Variants in CCDC93 observed in about 807,000 individuals in gnomAD.
The protein encoded by CCDC93 is coiled-coil domain-containing protein 93.
A neutral mutation model predicts 108.2 loss-of-function variants in CCDC93; 61 were observed. That is an observed-to-expected ratio of 0.56 (90% confidence interval 0.46 to 0.70). The LOEUF (loss-of-function observed/expected upper bound fraction) is 0.70, where lower values mean the gene tolerates loss of function less well. Ranked by LOEUF, CCDC93 falls within the 30% of genes least tolerant of loss-of-function variation. The pLI is 0.00. For missense variants in CCDC93, 685 were observed against 764.2 expected, an observed-to-expected ratio of 0.90 and a Z score of 1.22; for synonymous variants, 276 against 260.4, an observed-to-expected ratio of 1.06 and a Z score of -0.58.
At chr2:118,002,940 A>C (rs926660492) in intron 3 of CCDC93, among the ~76,000 whole-genome samples, 1 of 152,238 alleles carries the variant, frequency 6.6e-6, no homozygotes, top group African/African-American at 2.4e-5. Flanking sequence ...CAAAAGACTA[A>C]GGCAGGAAGA....
intron 3 of CCDC93, among the ~76,000 whole-genome samples, chr2:118,002,739 C>T (rs1676742981): frequency 6.6e-6 from 1 of 152,118 alleles, no homozygotes; most frequent in African/African-American, 2.4e-5. Flanking sequence ...AGTGATTTAT[C>T]CACAAGTCCT....
chr2:117,927,279 G>T (rs1250091159), intron 23 of CCDC93, among the ~76,000 whole-genome samples: 1 of 152,070 alleles, frequency 6.6e-6, no homozygotes, highest in Non-Finnish European at 1.5e-5. Flanking sequence ...GGGCAATCAA[G>T]CAGGAGAAGG....
chr2:118,001,097 C>A, intron 3 of CCDC93, 165 bp from the exon 4 acceptor site: 1 of 568,740 alleles, frequency 1.8e-6, no homozygotes, highest in Non-Finnish European at 3.1e-6. Flanking sequence ...GAAAAATAAG[C>A]ACAATTTGGT....
chr2:117,936,972 T>C (rs935096030), intron 20 of CCDC93: 1 of 529,646 alleles, frequency 1.9e-6, no homozygotes, highest in African/African-American at 1.9e-5. Flanking sequence ...CTACAGGGCA[T>C]TCCCACAGGA....
intron 4 of CCDC93, chr2:117,997,604 G>C (rs1680695127): frequency 6.6e-6 from 1 of 152,226 alleles, no homozygotes; most frequent in African/African-American, 2.4e-5. Context: ...GCTCAGAATA[G>C]AGCAAATAAC....
chr2:117,963,997 T>C (rs905404652), intron 11 of CCDC93, among the ~76,000 whole-genome samples: 3 of 152,216 alleles, frequency 2.0e-5, no homozygotes, highest in Non-Finnish European at 4.4e-5. Context: ...TCCTTGCAGT[T>C]AGGTATTGTA....
intron 7 of CCDC93, among the ~76,000 whole-genome samples, chr2:117,980,285 G>A (rs1680077197): frequency 6.6e-6 from 1 of 152,150 alleles, no homozygotes; most frequent in Non-Finnish European, 1.5e-5. Context: ...TTCAACCAGG[G>A]AACCCTGAAC....
chr2:117,934,394 G>A (rs1171096990), intron 22 of CCDC93: 3 of 152,186 alleles, frequency 2.0e-5, no homozygotes, highest in Non-Finnish European at 4.4e-5. Context: ...CTGCAAGACA[G>A]CCTATCCTGG....
Position 117,966,151 on chromosome 2 carries a change from A to G in CCDC93, c.889-7670T>C, listed in dbSNP as rs148541517. 3.6e-3 allele frequency among the ~76,000 whole-genome samples: 554 copies of G among 152,336 alleles called. 1 individual carries two copies. The highest frequency in any genetic ancestry group is 0.01 in the Middle Eastern group (3 of 294). Reference sequence around the variant, plus strand: ...GGGTGCTAGCCACCATGTGTGCCCCATATCTGTTGGTAGAAAAGTAATCCC... The same window carrying G: ...GGGTGCTAGCCACCATGTGTGCCCCGTATCTGTTGGTAGAAAAGTAATCCC... On this transcript the variant is annotated intron_variant, in intron 11 of 23. Transcript: ENST00000376300.
chr2:117,950,398 G>T (rs1679014968), intron 13 of CCDC93: 1 of 985,300 alleles, frequency 1.0e-6, no homozygotes, highest in Non-Finnish European at 1.2e-6. Flanking sequence ...AATTAGAGTT[G>T]TGACTGCTGA....
At chr2:117,961,670 ATCT>A (rs1241686396) in intron 11 of CCDC93, among the ~76,000 whole-genome samples, 3 of 152,208 alleles carry the variant, frequency 2.0e-5, no homozygotes, top group Non-Finnish European at 4.4e-5. Flanking sequence ...AGCAGGTCTC[ATCT>A]AATGGTTCAT....
chr2:117,995,610 G>T, intron 5 of CCDC93, 108 bp from the exon 6 acceptor site: 3 of 852,798 alleles, frequency 3.5e-6, no homozygotes, highest in East Asian at 2.5e-5. Flanking sequence ...TCACTACTTT[G>T]CCTGACGAAG....
At chr2:118,010,590 CT>C (rs1214891377) in intron 1 of CCDC93, among the ~76,000 whole-genome samples, 2 of 152,140 alleles carry the variant, frequency 1.3e-5, no homozygotes, top group African/African-American at 4.8e-5. Context: ...GCTTCTTCAT[CT>C]TTCTTCCTTT....
chr2:117,951,035 C>A (rs577881912), intron 13 of CCDC93: 5 of 980,590 alleles, frequency 5.1e-6, no homozygotes, highest in Admixed American at 6.2e-5. Flanking sequence ...AAGGGCTCAA[C>A]AAATACTTGA....
At chr2:117,967,550 G>A (rs753072999) in intron 11 of CCDC93, among the ~76,000 whole-genome samples, 3 of 152,208 alleles carry the variant, frequency 2.0e-5, no homozygotes, top group Non-Finnish European at 4.4e-5. Context: ...CACAGCCACA[G>A]CCAAGCCTGG....
chr2:117,946,559 G>A (rs1678878971), intron 16 of CCDC93, among the ~76,000 whole-genome samples: 2 of 152,214 alleles, frequency 1.3e-5, no homozygotes, highest in South Asian at 2.1e-4. Flanking sequence ...CCTAAACAGA[G>A]GGAGGCCAGA....
chr2:117,996,546 G>C, intron 4 of CCDC93, 184 bp from the exon 5 acceptor site: 5 of 532,922 alleles, frequency 9.4e-6, no homozygotes, highest in Non-Finnish European at 1.4e-5. Context: ...AAGATGTTAA[G>C]ATCCAATGGG....
At chr2:117,950,084 C>T (rs1188627792) in intron 13 of CCDC93, 2 of 985,358 alleles carry the variant, frequency 2.0e-6, no homozygotes, top group Admixed American at 6.1e-5. Context: ...CGACCCAGAA[C>T]ATCAGTTACT....
At chr2:117,999,596 T>C (rs1238703191) in intron 4 of CCDC93, 1 of 152,168 alleles carries the variant, frequency 6.6e-6, no homozygotes, top group Non-Finnish European at 1.5e-5. Context: ...CAGAATGCAG[T>C]TGTCCCAAGG....
Sources: gnomAD v4.1 joint callset for allele counts (sites outside exome capture counted in the v4.1 genomes callset) on GRCh38, gnomAD v4.1.1 for gene constraint, MANE v1.5 for transcripts, NCBI Gene and HGNC (gene_info 2026-07-23, HGNC 2026-07-21) for gene names.